Variants in MLXIPL observed in about 807,000 individuals in gnomAD.
MLXIPL encodes the protein carbohydrate-responsive element-binding protein.
In MLXIPL, 49 loss-of-function variants were observed where a neutral mutation model predicts 81.5. That is an observed-to-expected ratio of 0.60 (90% CI 0.48 to 0.76). The LOEUF is 0.76. Ranked by LOEUF, MLXIPL falls within the 30% of genes least tolerant of loss-of-function variation. The pLI is 0.00. For missense variants in MLXIPL, 1,053 were observed against 1,167.0 expected (o/e 0.90, Z 1.42); for synonymous variants, 466 against 485.5 (o/e 0.96, Z 0.53).
chr7:73,605,784 G>A lies in MLXIPL; in HGVS notation c.821-16C>T. ...CCGACGTAGGCTGGAGGCAGCAGTGGCGACATCAGCAGCAGCAGGCAGGGA... is the reference window on the plus strand; with the variant it reads ...CCGACGTAGGCTGGAGGCAGCAGTGACGACATCAGCAGCAGCAGGCAGGGA... On this transcript the variant is annotated splice_polypyrimidine_tract_variant and intron_variant, in intron 6 of 16. Transcript: ENST00000313375. The A allele has an allele frequency of 6.2e-7, 1 of 1,612,004 alleles. No individual in the cohort carries two copies. The highest frequency in any genetic ancestry group is 1.1e-5 in the South Asian group (1 of 90,724).
At chr7:73,601,012 G>A (rs895608683) in intron 7 of MLXIPL, among the ~76,000 whole-genome samples, 7 of 151,054 alleles carry the variant, frequency 4.6e-5, no homozygotes, top group Non-Finnish European at 2.9e-5. Context: ...CGACCCCACC[G>A]TGACAACTCC....
At chr7:73,602,078 G>GCATT (rs1372799663) in intron 7 of MLXIPL, among the ~76,000 whole-genome samples, 2 of 105,128 alleles carry the variant, frequency 1.9e-5, no homozygotes, top group African/African-American at 3.2e-5. Flanking sequence ...CCACCTGCCT[G>GCATT]CCTGCCTGCC....
At chr7:73,639,053 G>A in the MLXIPL span, among the ~76,000 whole-genome samples, 2 of 152,148 alleles carry the variant, frequency 1.3e-5, no homozygotes. Context: ...GCTCTGGGCT[G>A]CAGCCTGTGG....
At chr7:73,627,884 T>G (rs1796777451), upstream of MLXIPL, among the ~76,000 whole-genome samples, 1 of 152,174 alleles carries the variant, frequency 6.6e-6, no homozygotes, top group East Asian at 1.9e-4. Flanking sequence ...CTGCTGCTAA[T>G]TCCATGAGTA....
At chr7:73,637,470 G>A in the MLXIPL span, among the ~76,000 whole-genome samples, 1 of 150,576 alleles carries the variant, frequency 6.6e-6, no homozygotes, top group African/African-American at 2.4e-5. Flanking sequence ...GTGAGACTCT[G>A]TCTGGAAAAA....
Position 73,624,324 on chromosome 7 carries a change from G to A in MLXIPL, c.169C>T (p.Pro57Ser), listed in dbSNP as rs1309717435. The change falls in exon 1 of 17, where the codon CCG (proline) becomes TCG (serine). Residue 57 changes from proline to serine, a missense_variant. Around this residue, in one of 3 missense-constraint regions of MLXIPL, gnomAD observed 226 missense variants for 216.2 expected, o/e 1.05. Coordinates refer to ENST00000313375, the MANE Select transcript of MLXIPL (RefSeq NM_032951.3). ...IHSGHFMVSS[P>S]HSDSLPRRRD... ...CGCCGGGGCAGCGAGTCGCTGTGCG[G>A]CGACGACACCATGAAGTGACCGCTG... The A allele has an allele frequency of 1.9e-6, 3 of 1,588,324 alleles. No individual in the cohort carries two copies. The African/African-American group carries it at 4.0e-5, about 21-fold the overall frequency.
chr7:73,596,643 G>T lies in MLXIPL; in HGVS notation c.1818C>A (p.Pro606=). ...CCCTGCAACCCCTCTCTTTACCGCT[G>T]GGCGCTGGGGGTGAGAGCCGCTCCG... ...PKAERLSPPA[P]SGSERRLSGD... The change falls in exon 11 of 17, where the codon CCC becomes CCA. Residue 606 remains proline (P), a synonymous_variant. Transcript: ENST00000313375. The surrounding 1 kb of genome is among the most constrained non-coding windows in gnomAD (Gnocchi z 4.7). 6.3e-7 allele frequency: 1 copy of T among 1,596,878 alleles called. No individual in the cohort carries two copies. Among genetic ancestry groups the T allele is most frequent in the East Asian group, 2.2e-5 (1 of 44,572 alleles).
intron 1 of MLXIPL, among the ~76,000 whole-genome samples, chr7:73,617,599 C>G: frequency 6.6e-6 from 1 of 152,012 alleles, no homozygotes; most frequent in East Asian, 1.9e-4. Flanking sequence ...AATCCCAACA[C>G]TTTGGGAGGC....
chr7:73,641,201 G>A, the MLXIPL span, among the ~76,000 whole-genome samples: 3 of 152,128 alleles, frequency 2.0e-5, no homozygotes, highest in African/African-American at 7.2e-5. Flanking sequence ...ACTAAGGCAG[G>A]AGGATTGCTT....
Position 73,596,837 on chromosome 7 carries a change from C to A in MLXIPL, c.1671+28G>T. On this transcript the variant is annotated intron_variant, in intron 10 of 16. Transcript: ENST00000313375. This position sits in a 1 kb window ranked among gnomAD's most constrained non-coding sequence, Gnocchi z 4.7. ...GTCGGGTTGAAGGCCGTGGGCACAG[C>A]CCCACCGCCCAGTGCCCGAGATCTT... 1 of 1,608,884 alleles carries A rather than the reference C, an allele frequency of 6.2e-7. No individual in the cohort carries two copies. The highest frequency in any genetic ancestry group is 1.1e-5 in the South Asian group (1 of 89,956).
Position 73,599,691 on chromosome 7 carries a change from G to T in MLXIPL, c.906C>A (p.Phe302Leu). Reference protein sequence around the residue: ...SLDDFMDISDFFTNSRLPQPP... With the variant: ...SLDDFMDISDLFTNSRLPQPP... The stretch of plus-strand genomic sequence containing the variant: ...GCTGTGGGAGGCGGGAGTTGGTAAA[G>T]AAATCTGTAATTCAGACACACAGGG... Residue 302 changes from phenylalanine to leucine, a missense_variant, in exon 8 of 17, where the codon TTC becomes TTA. By Grantham distance (22) the Phe-to-Leu change is conservative. Transcript: ENST00000313375. 1 of 1,605,080 alleles carries T rather than the reference G, an allele frequency of 6.2e-7. No homozygotes were observed. Among genetic ancestry groups the T allele is most frequent in the South Asian group, 1.1e-5 (1 of 89,504 alleles).
At chr7:73,632,573 G>A in the MLXIPL span, among the ~76,000 whole-genome samples, 1 of 151,944 alleles carries the variant, frequency 6.6e-6, no homozygotes, top group Non-Finnish European at 1.5e-5. Flanking sequence ...CAGATCCAGG[G>A]CCCAGCCCTG....
Position 73,596,668 on chromosome 7 carries a change from G to A in MLXIPL, c.1793C>T (p.Ala598Val), listed in dbSNP as rs782244365. ...APSRPLLVPK[A>V]ERLSPPAPSG... The stretch of plus-strand genomic sequence containing the variant: ...GGGCGCTGGGGGTGAGAGCCGCTCC[G>A]CTTTGGGGACAAGCAGGGGCCTGGA... The change falls in exon 11 of 17, where the codon GCG (alanine) becomes GTG (valine). Residue 598 changes from alanine (A) to valine (V), a missense_variant. By Grantham distance (64) the Ala-to-Val change is moderately conservative (BLOSUM62 0). Coordinates refer to ENST00000313375, the MANE Select transcript of MLXIPL (RefSeq NM_032951.3). The surrounding 1 kb of genome is among the most constrained non-coding windows in gnomAD (Gnocchi z 4.7). The A allele has an allele frequency of 8.3e-5, 132 of 1,590,138 alleles. No homozygotes were observed. The highest frequency in any genetic ancestry group is 1.1e-4 in the Non-Finnish European group (125 of 1,168,196).
chr7:73,645,720 G>A, the MLXIPL span, among the ~76,000 whole-genome samples: 4 of 152,158 alleles, frequency 2.6e-5, no homozygotes, highest in Non-Finnish European at 4.4e-5. Context: ...AGTGAAGCCC[G>A]GAGGAGGACA....
chr7:73,636,947 C>T, the MLXIPL span, among the ~76,000 whole-genome samples: 1 of 151,356 alleles, frequency 6.6e-6, no homozygotes, highest in African/African-American at 2.4e-5. Flanking sequence ...GTAATCCCAG[C>T]TACTCGGGAG....
intron 7 of MLXIPL, among the ~76,000 whole-genome samples, chr7:73,601,819 A>G (rs950510544): frequency 2.6e-5 from 4 of 152,044 alleles, no homozygotes; most frequent in African/African-American, 9.7e-5. Flanking sequence ...GGAGTGAGTC[A>G]CCGCGCCCGG....
At chr7:73,608,539 G>C (rs1274518559) in intron 2 of MLXIPL, among the ~76,000 whole-genome samples, 1 of 151,488 alleles carries the variant, frequency 6.6e-6, no homozygotes, top group South Asian at 2.1e-4. Flanking sequence ...GTGAGATCAC[G>C]CCACTGCATT....
upstream of MLXIPL, among the ~76,000 whole-genome samples, chr7:73,628,038 T>G (rs901851133): frequency 1.1e-4 from 16 of 151,994 alleles, 1 homozygote; most frequent in South Asian, 8.3e-4. Flanking sequence ...CCCAGGCTGG[T>G]CTCGAGCACC....
At chr7:73,624,667 C>T, upstream of MLXIPL, 2 of 1,270,930 alleles carry the variant, frequency 1.6e-6, no homozygotes, top group South Asian at 2.1e-5. Flanking sequence ...GGTGAGAACC[C>T]GGTGCTCTGG....
Sources: gnomAD v4.1 joint callset for allele counts (sites outside exome capture counted in the v4.1 genomes callset) on GRCh38, gnomAD v4.1.1 for gene constraint, gnomAD v4.1.1 regional missense constraint, Gnocchi (gnomAD v3.1) non-coding constraint, MANE v1.5 for transcripts, NCBI Gene and HGNC (gene_info 2026-07-23, HGNC 2026-07-21) for gene names.